MYNN: variants seen among roughly 807,000 people sequenced by gnomAD.
The protein encoded by MYNN is zinc finger and BTB domain-containing protein 31.
A neutral mutation model predicts 57.2 loss-of-function variants in MYNN; 22 were observed. The ratio of observed to expected loss-of-function variants is 0.38; its 90% CI spans 0.27 to 0.55. The LOEUF is 0.55. MYNN is among the 20% of genes least tolerant of loss of function. The pLI, the probability that MYNN is intolerant of heterozygous loss-of-function variation, is 0.71. For missense variants in MYNN, 566 were observed against 723.1 expected, an observed-to-expected ratio of 0.78 and a Z score of 2.49; for synonymous variants, 241 against 257.1, an observed-to-expected ratio of 0.94 and a Z score of 0.60.
chr3:169,784,163 A>G (rs1485100130), intron 6 of MYNN, among the ~76,000 whole-genome samples: 1 of 152,058 alleles, frequency 6.6e-6, no homozygotes, highest in African/African-American at 2.4e-5. Context: ...ACCATAAAGC[A>G]CTGAACAGTT....
chr3:169,783,650 G>C (rs887769713), intron 6 of MYNN, 90 bp downstream of exon 6: 9 of 848,814 alleles, frequency 1.1e-5, no homozygotes, highest in African/African-American at 1.0e-4. Context: ...TGGACTATAT[G>C]GTATTTAGTC....
chr3:169,786,356 AC>A (rs781527372), intron 7 of MYNN, 59 bp from the exon 8 acceptor site: 70 of 1,487,460 alleles, frequency 4.7e-5, no homozygotes, highest in Admixed American at 9.5e-5. Context: ...ACATTAGTCT[AC>A]CTCAGGGGTT....
intron 2 of MYNN, among the ~76,000 whole-genome samples, chr3:169,775,275 C>T (rs1778300280): frequency 6.6e-6 from 1 of 152,156 alleles, no homozygotes; most frequent in South Asian, 2.1e-4. Context: ...AATGTAGGCA[C>T]TGTGTGTCTC....
chr3:169,778,752 C>T lies in MYNN; in HGVS notation c.267-16C>T. 2 of 1,568,686 alleles carry T rather than the reference C, an allele frequency of 1.3e-6. No individual in the cohort carries two copies. Among genetic ancestry groups the T allele is most frequent in the South Asian group, 1.2e-5 (1 of 82,758 alleles). ...CTTTGATCAGAATATTGTCATGTAG[C>T]CTTGTTTCCTTGCAGTTGGAATGTT... is the stretch of plus-strand genomic sequence containing the variant. On this transcript the variant is annotated splice_polypyrimidine_tract_variant and intron_variant, in intron 2 of 7. Transcript: ENST00000349841.
chr3:169,775,523 C>T (rs1378959954), intron 2 of MYNN, among the ~76,000 whole-genome samples: 1 of 152,132 alleles, frequency 6.6e-6, no homozygotes, highest in Non-Finnish European at 1.5e-5. Flanking sequence ...ATGATGCAAT[C>T]TCTCTGGGCC....
Position 169,782,752 on chromosome 3 carries a change from T to C in MYNN, c.1399+109T>C. On this transcript the variant is annotated intron_variant, in intron 5 of 7. Coordinates refer to ENST00000349841, the MANE Select transcript of MYNN (RefSeq NM_018657.5). This position sits in a 1 kb window ranked among gnomAD's most constrained non-coding sequence, Gnocchi z 4.8. Reference sequence around the variant, plus strand: ...GGAAACTTTGTAGTTAGATATCTGTTTATATTTCTATAAGCTATGTTTATG... The same window carrying C: ...GGAAACTTTGTAGTTAGATATCTGTCTATATTTCTATAAGCTATGTTTATG... 1 of 783,984 alleles carries C rather than the reference T, an allele frequency of 1.3e-6. No individual in the cohort carries two copies. Among genetic ancestry groups the C allele is most frequent in the Non-Finnish European group, 2.0e-6 (1 of 498,808 alleles). 48.6% of individuals were successfully genotyped at this position (783,984 alleles called of 1,614,324 possible).
chr3:169,786,978 C>A lies in MYNN; in HGVS notation c.*300C>A. On this transcript the variant is annotated 3_prime_UTR_variant, in exon 8 of 8. Coordinates refer to ENST00000349841, the MANE Select transcript of MYNN (RefSeq NM_018657.5). ...TTTTTATTTTGCATTTTAGAATTGC[C>A]CTTCATTTACTAAATCAGCCAGTTA... 1 of 275,156 alleles carries A rather than the reference C, an allele frequency of 3.6e-6. No individual in the cohort carries two copies. The highest frequency in any genetic ancestry group is 4.8e-5 in the Admixed American group (1 of 20,982). 17.0% of individuals were successfully genotyped at this position (275,156 alleles called of 1,614,324 possible). A position where few individuals can be genotyped will look rare whatever the true frequency, so the allele number is the denominator to read the frequency against.
rs551342926 is a variant in MYNN at position 169,788,898 on chromosome 3, G to C, written c.*2220G>C. On this transcript the variant is annotated 3_prime_UTR_variant, in exon 8 of 8. Coordinates refer to ENST00000349841, the MANE Select transcript of MYNN (RefSeq NM_018657.5). Reference sequence around the variant, plus strand: ...TATCATAATATGCATATATTTAGTTGTATCTGGTATCATTCTAACACTCAT... The same window carrying C: ...TATCATAATATGCATATATTTAGTTCTATCTGGTATCATTCTAACACTCAT... 1 of 151,932 alleles carries C rather than the reference G, an allele frequency of 6.6e-6. No homozygotes were observed. Among genetic ancestry groups the C allele is most frequent in the Non-Finnish European group, 1.5e-5 (1 of 67,954 alleles). The allele number at this position is 151,932 out of a possible 1,614,324, so 9.4% of individuals were successfully genotyped here.
chr3:169,788,071 A>G lies in MYNN; in HGVS notation c.*1393A>G, dbSNP rs539358984. Reference sequence around the variant, plus strand: ...TGTTCTGCTTTTAAACTACACCTGTAGTACAGTTAATATGTTTTTTATTGG... The same window carrying G: ...TGTTCTGCTTTTAAACTACACCTGTGGTACAGTTAATATGTTTTTTATTGG... On this transcript the variant is annotated 3_prime_UTR_variant, in exon 8 of 8. Transcript: ENST00000349841. 2 of 152,112 alleles carry G rather than the reference A, an allele frequency of 1.3e-5. No homozygotes were observed. The highest frequency in any genetic ancestry group is 4.2e-4 in the South Asian group (2 of 4,812). 9.4% of individuals were successfully genotyped at this position (152,112 alleles called of 1,614,324 possible).
intron 1 of MYNN, 29 bp from the exon 2 acceptor site, chr3:169,774,236 C>G: frequency 3.2e-6 from 5 of 1,551,080 alleles, no homozygotes; most frequent in Non-Finnish European, 4.4e-6. Flanking sequence ...CTTACGGTTA[C>G]TGATTTACTG....
At chr3:169,783,353 A>T (rs949983093) in intron 5 of MYNN, 124 bp from the exon 6 acceptor site, 1 of 561,628 alleles carries the variant, frequency 1.8e-6, no homozygotes, top group Non-Finnish European at 3.2e-6. Flanking sequence ...ATACCTCTAA[A>T]GTACAATATA....
chr3:169,774,490 G>A lies in MYNN; in HGVS notation c.195G>A (p.Gln65=). ...STSENNVFLD[Q]SQVKADGFQK... Reference sequence around the variant, plus strand: ...CTGAGAACAATGTCTTTCTTGATCAGAGTCAGGTGAAGGCTGATGGATTTC... The same window carrying A: ...CTGAGAACAATGTCTTTCTTGATCAAAGTCAGGTGAAGGCTGATGGATTTC... The change falls in exon 2 of 8, where the codon CAG becomes CAA. Residue 65 remains glutamine (Q), a synonymous_variant. Coordinates refer to ENST00000349841, the MANE Select transcript of MYNN (RefSeq NM_018657.5). 1 of 1,614,092 alleles carries A rather than the reference G, an allele frequency of 6.2e-7. No individual in the cohort carries two copies. The highest frequency in any genetic ancestry group is 8.5e-7 in the Non-Finnish European group (1 of 1,179,998).
chr3:169,774,734 T>C (rs532033201), intron 2 of MYNN, among the ~76,000 whole-genome samples, 173 bp downstream of exon 2: 2 of 152,360 alleles, frequency 1.3e-5, no homozygotes, highest in Non-Finnish European at 2.9e-5. Context: ...GAGCAGGCAA[T>C]ATTTTTCATA....
At position 169,782,376 on chromosome 3, in the gene MYNN, GAAATA is replaced by G; in HGVS notation, c.1221-84_1221-80del. 9.1e-7 allele frequency: 1 copy of G among 1,095,358 alleles called. No homozygotes were observed. Among genetic ancestry groups the G allele is most frequent in the Non-Finnish European group, 1.3e-6 (1 of 772,230 alleles). 67.9% of individuals were successfully genotyped at this position (1,095,358 alleles called of 1,614,324 possible). ...TAGTCTTGGCCTGTTAAGATGACAT[GAAATA>G]AAATCTATAAAAAACTTTATGAATT... On this transcript the variant is annotated intron_variant, in intron 4 of 7. Coordinates refer to ENST00000349841, the MANE Select transcript of MYNN (RefSeq NM_018657.5). This position sits in a 1 kb window ranked among gnomAD's most constrained non-coding sequence, Gnocchi z 4.8.
At chr3:169,779,732 A>C (rs147220696) in intron 3 of MYNN, 171 bp downstream of exon 3, 34 of 685,024 alleles carry the variant, frequency 5.0e-5, no homozygotes, top group African/African-American at 4.7e-4. Context: ...ATTGTAACCA[A>C]GTATTTAATG....
intron 5 of MYNN, 76 bp from the exon 6 acceptor site, chr3:169,783,397 GCTTA>G (rs1560588908): frequency 1.3e-6 from 1 of 789,412 alleles, no homozygotes; most frequent in Non-Finnish European, 2.1e-6. Context: ...TTCCAGAAAA[GCTTA>G]CTTTAGATTA....
rs1393649749 is a variant in MYNN, at chr3:169,787,423, TCA to T, written c.*746_*747del. Reference sequence around the variant, plus strand: ...GTCAAAGACAGTTTCAAAATTTGATTCAGTTTATGTTTTATTCCGTTCTAAAA... The same window carrying T: ...GTCAAAGACAGTTTCAAAATTTGATTGTTTATGTTTTATTCCGTTCTAAAA... On this transcript the variant is annotated 3_prime_UTR_variant, in exon 8 of 8. Transcript: ENST00000349841. 1 of 152,098 alleles carries T rather than the reference TCA, an allele frequency of 6.6e-6. No individual in the cohort carries two copies. The highest frequency in any genetic ancestry group is 2.4e-5 in the African/African-American group (1 of 41,452). 9.4% of individuals were successfully genotyped at this position (152,098 alleles called of 1,614,324 possible). A position where few individuals can be genotyped will look rare whatever the true frequency, so the allele number is the denominator to read the frequency against.
At chr3:169,784,375 G>T (rs73879124) in intron 6 of MYNN, among the ~76,000 whole-genome samples, 5,811 of 151,972 alleles carry the variant, frequency 0.038, 365 homozygotes, top group African/African-American at 0.13. Flanking sequence ...GTTTTAGTTT[G>T]CAGATACATT....
intron 2 of MYNN, among the ~76,000 whole-genome samples, chr3:169,775,043 C>T (rs1337774393): frequency 2.0e-5 from 3 of 152,048 alleles, no homozygotes; most frequent in Admixed American, 2.0e-4. Context: ...TTTCACCATG[C>T]TGGCCAGGCT....
Sources: gnomAD v4.1 joint callset for allele counts (sites outside exome capture counted in the v4.1 genomes callset) on GRCh38, gnomAD v4.1.1 for gene constraint, Gnocchi (gnomAD v3.1) non-coding constraint, MANE v1.5 for transcripts, NCBI Gene and HGNC (gene_info 2026-07-23, HGNC 2026-07-21) for gene names.